NLGN1: variants seen among roughly 807,000 people sequenced by gnomAD.
The protein encoded by NLGN1 is neuroligin-1.
In NLGN1, 12 loss-of-function variants were observed where a neutral mutation model predicts 65.5. The observed-to-expected ratio is 0.18, with a 90% CI of 0.12 to 0.30. NLGN1 has a LOEUF of 0.30. NLGN1 is among the 10% of genes least tolerant of loss of function. The pLI, the probability that NLGN1 is intolerant of heterozygous loss-of-function variation, is 1.00. For missense variants in NLGN1, 750 were observed against 1,007.1 expected (o/e 0.74, Z 3.46); for synonymous variants, 350 against 359.5 (o/e 0.97, Z 0.30).
chr3:174,219,844 A>G (rs1317932768), intron 4 of NLGN1, among the ~76,000 whole-genome samples: 1 of 152,196 alleles, frequency 6.6e-6, no homozygotes, highest in East Asian at 1.9e-4. Flanking sequence ...AATAGGAAAC[A>G]GAAGCAAGAT....
chr3:173,881,215 C>A (rs996489306), intron 4 of NLGN1, among the ~76,000 whole-genome samples: 1 of 150,538 alleles, frequency 6.6e-6, no homozygotes, highest in African/African-American at 2.4e-5. Context: ...TCTCCTGCCT[C>A]AGCCCCCAGA....
intron 4 of NLGN1, among the ~76,000 whole-genome samples, chr3:174,035,340 T>C (rs1305318780): frequency 6.6e-6 from 1 of 152,178 alleles, no homozygotes; most frequent in East Asian, 1.9e-4. Flanking sequence ...ATTTCATTGA[T>C]TATTGTCATA....
chr3:174,004,650 T>G (rs1445509070), intron 4 of NLGN1, among the ~76,000 whole-genome samples: 1 of 152,148 alleles, frequency 6.6e-6, no homozygotes, highest in Non-Finnish European at 1.5e-5. Flanking sequence ...GTTGGTTATT[T>G]TCTGAATGCA....
chr3:174,153,797 A>C (rs1724848401), intron 4 of NLGN1, among the ~76,000 whole-genome samples: 1 of 152,100 alleles, frequency 6.6e-6, no homozygotes, highest in African/African-American at 2.4e-5. Flanking sequence ...GTTTGAGATC[A>C]GCCTGGGAAA....
At chr3:173,688,482 A>T (rs375418764) in intron 3 of NLGN1, among the ~76,000 whole-genome samples, 3 of 152,176 alleles carry the variant, frequency 2.0e-5, no homozygotes, top group Admixed American at 6.6e-5. Context: ...GAGAGCGACT[A>T]AAAAGGTCAT....
intron 1 of NLGN1, among the ~76,000 whole-genome samples, chr3:173,402,773 T>G (rs1577289873): frequency 6.6e-6 from 1 of 152,306 alleles, no homozygotes; most frequent in South Asian, 2.1e-4. Context: ...ATCAGCAAAC[T>G]TCCCTTTATG....
chr3:173,944,600 GA>G (rs1393010366), intron 4 of NLGN1, among the ~76,000 whole-genome samples: 1 of 152,062 alleles, frequency 6.6e-6, no homozygotes, highest in Non-Finnish European at 1.5e-5. Flanking sequence ...ATTCAAGCTA[GA>G]AAAAAGGATG....
At chr3:174,229,565 ATGTCTT>A (rs1417182679) in intron 4 of NLGN1, among the ~76,000 whole-genome samples, 3 of 152,140 alleles carry the variant, frequency 2.0e-5, no homozygotes, top group African/African-American at 7.2e-5. Flanking sequence ...GTATGCTTTC[ATGTCTT>A]TGTCTTAGGC....
chr3:174,273,980 A>T (rs1750003670), intron 4 of NLGN1, among the ~76,000 whole-genome samples: 1 of 151,712 alleles, frequency 6.6e-6, no homozygotes, highest in Non-Finnish European at 1.5e-5. Flanking sequence ...TCGATGTCCT[A>T]GCTTATTTTA....
intron 4 of NLGN1, among the ~76,000 whole-genome samples, chr3:173,837,225 C>T (rs1578708742): frequency 6.6e-6 from 1 of 152,190 alleles, no homozygotes; most frequent in East Asian, 1.9e-4. Context: ...TCCTTGCTGG[C>T]TCAGACTACA....
intron 3 of NLGN1, among the ~76,000 whole-genome samples, chr3:173,654,755 G>T (rs776233020): frequency 7.9e-5 from 12 of 152,180 alleles, no homozygotes; most frequent in Non-Finnish European, 1.5e-4. Flanking sequence ...AGCATCTATA[G>T]ATAGATATCT....
intron 4 of NLGN1, among the ~76,000 whole-genome samples, chr3:173,888,221 A>C (rs1368106286): frequency 3.9e-5 from 6 of 151,980 alleles, no homozygotes; most frequent in Non-Finnish European, 8.8e-5. Flanking sequence ...AGATACAGTC[A>C]TCCCTCAGTA....
chr3:173,825,646 G>A (rs1721193743), intron 4 of NLGN1, among the ~76,000 whole-genome samples: 1 of 151,990 alleles, frequency 6.6e-6, no homozygotes, highest in African/African-American at 2.4e-5. Flanking sequence ...TATTTACATG[G>A]TAGTTGATAA....
chr3:173,995,499 A>G (rs1228022242), intron 4 of NLGN1, among the ~76,000 whole-genome samples: 3 of 152,200 alleles, frequency 2.0e-5, no homozygotes, highest in Admixed American at 6.5e-5. Context: ...ATCCTAGTCC[A>G]ATCAAATATG....
In NLGN1 at chr3:173,873,177, C is replaced by G. The variant is rs1416040737; in HGVS notation, c.646+65345C>G. The stretch of plus-strand genomic sequence containing the variant: ...TATGTCAGCTCACTGCAACCTCTGC[C>G]TCCCAGATTGAAGTGATTCTCATGC... On this transcript the variant is annotated intron_variant, in intron 4 of 6. Transcript: ENST00000457714. Among the ~76,000 whole-genome samples, 4 of 151,916 alleles carry G rather than the reference C, an allele frequency of 2.6e-5. No homozygotes were observed. The East Asian group carries it at 7.7e-4, about 29-fold the overall frequency.
At position 173,820,089 on chromosome 3, in the gene NLGN1, G is replaced by C. The variant is rs1719926841; in HGVS notation, c.646+12257G>C. On this transcript the variant is annotated intron_variant, in intron 4 of 6. Transcript: ENST00000457714. ...AGCTACTCGGTAGGCTGAGGCAGGAGAATGGCGCGAACCCGGGAGGCGGAG... is the reference window on the plus strand; with the variant it reads ...AGCTACTCGGTAGGCTGAGGCAGGACAATGGCGCGAACCCGGGAGGCGGAG... Among the ~76,000 whole-genome samples the C allele has an allele frequency of 2.7e-5, 4 of 150,482 alleles. No individual in the cohort carries two copies. In the Admixed American group the frequency reaches 2.7e-4, roughly 10 times the overall value.
chr3:173,486,779 TATC>T (rs1346680826), intron 2 of NLGN1, among the ~76,000 whole-genome samples: 1 of 152,240 alleles, frequency 6.6e-6, no homozygotes, highest in African/African-American at 2.4e-5. Flanking sequence ...TTTTGCCTGT[TATC>T]ATCTTTATTG....
chr3:173,666,444 T>A (rs575114185), intron 3 of NLGN1, among the ~76,000 whole-genome samples: 1 of 152,242 alleles, frequency 6.6e-6, no homozygotes, highest in Admixed American at 6.5e-5. Flanking sequence ...TGAAGGGAGT[T>A]GAAAAAATGC....
At chr3:173,760,133 C>A (rs1777755027) in intron 3 of NLGN1, among the ~76,000 whole-genome samples, 1 of 151,980 alleles carries the variant, frequency 6.6e-6, no homozygotes, top group Non-Finnish European at 1.5e-5. Context: ...TCACCTCTTT[C>A]ACTAGTTGGA....
Sources: allele counts gnomAD v4.1 joint callset (sites outside exome capture counted in the v4.1 genomes callset), GRCh38; gene constraint gnomAD v4.1.1; transcripts MANE v1.5; gene names NCBI Gene and HGNC (gene_info 2026-07-23, HGNC 2026-07-21).